Variants in XRCC6 observed in about 807,000 individuals in gnomAD.
The protein encoded by XRCC6 is DNA repair protein Ku70.
XRCC6 carries 5 observed loss-of-function variants against 65.7 expected under a neutral mutation model. The observed-to-expected ratio is 0.08, with a 90% CI of 0.04 to 0.16. The LOEUF (loss-of-function observed/expected upper bound fraction) is 0.16. Ranked by LOEUF, XRCC6 falls within the 10% of genes least tolerant of loss-of-function variation. The pLI is 1.00. For synonymous variants in XRCC6, 270 were observed against 270.6 expected (o/e 1.00, Z 0.02); for missense variants, 447 against 738.1 (o/e 0.61, Z 4.57).
chr22:41,663,027 G>A (rs2068113507), intron 12 of XRCC6, among the ~76,000 whole-genome samples: 1 of 152,024 alleles, frequency 6.6e-6, no homozygotes, highest in Admixed American at 6.6e-5. Context: ...GTTGCAGTGA[G>A]CCGAGACCAC....
intron 3 of XRCC6, among the ~76,000 whole-genome samples, chr22:41,630,779 G>A (rs1396198442): frequency 2.0e-5 from 3 of 152,168 alleles, no homozygotes; most frequent in Admixed American, 6.6e-5. Context: ...GGGTTGTGGG[G>A]TAAGGTCACA....
chr22:41,661,706 T>A (rs535307917), intron 12 of XRCC6: 45 of 404,726 alleles, frequency 1.1e-4, no homozygotes, highest in African/African-American at 8.5e-4. Flanking sequence ...AAACTAGAGC[T>A]ACCATATGAT....
At chr22:41,639,323 CTTTTTCTT>C (rs2067846918) in intron 6 of XRCC6, among the ~76,000 whole-genome samples, 1 of 59,088 alleles carries the variant, frequency 1.7e-5, no homozygotes, top group Non-Finnish European at 3.8e-5. Flanking sequence ...TTGCTAGATT[CTTTTTCTT>C]TTTTTTTTTT....
intron 3 of XRCC6, among the ~76,000 whole-genome samples, chr22:41,635,168 C>CT (rs1339313137): frequency 1.3e-5 from 2 of 152,196 alleles, no homozygotes; most frequent in African/African-American, 4.8e-5. Context: ...CTCCCCTATA[C>CT]TTTAAGTCAT....
intron 12 of XRCC6, among the ~76,000 whole-genome samples, chr22:41,662,411 T>G (rs1162267281): frequency 6.6e-6 from 1 of 152,160 alleles, no homozygotes; most frequent in Non-Finnish European, 1.5e-5. Context: ...CCATACATAT[T>G]TACACATACC....
intron 6 of XRCC6, among the ~76,000 whole-genome samples, chr22:41,639,926 G>A (rs569669366): frequency 2.2e-4 from 34 of 151,976 alleles, no homozygotes; most frequent in Non-Finnish European, 4.6e-4. Context: ...CCAAAGTGCT[G>A]GGATTACAGG....
intron 12 of XRCC6, among the ~76,000 whole-genome samples, chr22:41,662,489 T>C (rs555399861): frequency 3.3e-5 from 5 of 152,216 alleles, no homozygotes; most frequent in African/African-American, 1.2e-4. Flanking sequence ...GTTACTCAGC[T>C]ATATATGTTG....
chr22:41,628,918 A>G (rs2067708169), intron 3 of XRCC6, among the ~76,000 whole-genome samples: 1 of 122,332 alleles, frequency 8.2e-6, no homozygotes, highest in Non-Finnish European at 1.6e-5. Flanking sequence ...GTGAGCCGAG[A>G]TTGTGCCACT....
chr22:41,653,786 T>C (rs2068022030), intron 9 of XRCC6, 96 bp downstream of exon 9: 2 of 1,421,440 alleles, frequency 1.4e-6, no homozygotes, highest in Non-Finnish European at 9.5e-7. Flanking sequence ...TCATAGTCTC[T>C]GGGAATGGGG....
At chr22:41,623,190 C>T (rs959546105) in intron 2 of XRCC6, among the ~76,000 whole-genome samples, 3 of 151,402 alleles carry the variant, frequency 2.0e-5, no homozygotes, top group African/African-American at 7.3e-5. Context: ...AAGTGATCCT[C>T]CTGCTTCAGC....
chr22:41,652,408 C>G (rs2068008645), intron 8 of XRCC6, among the ~76,000 whole-genome samples: 1 of 151,560 alleles, frequency 6.6e-6, no homozygotes, highest in African/African-American at 2.4e-5. Context: ...CTCTGTCACC[C>G]AGGCTAGAGT....
At chr22:41,641,509 T>C (rs1489501729) in intron 6 of XRCC6, among the ~76,000 whole-genome samples, 1 of 152,178 alleles carries the variant, frequency 6.6e-6, no homozygotes, top group African/African-American at 2.4e-5. Context: ...ACTGTTATTA[T>C]TGACTATAGT....
chr22:41,658,219 T>C (rs1406093620), intron 10 of XRCC6, 33 bp from the exon 11 acceptor site: 4 of 1,603,944 alleles, frequency 2.5e-6, no homozygotes, highest in South Asian at 1.1e-5. Context: ...TAAATTGTCA[T>C]GTTTCAGTTG....
chr22:41,627,526 G>A (rs1009173660), intron 2 of XRCC6, among the ~76,000 whole-genome samples: 5 of 148,900 alleles, frequency 3.4e-5, no homozygotes, highest in African/African-American at 1.0e-4. Context: ...CAGGAGAATC[G>A]CTTGAACCTG....
intron 12 of XRCC6, 178 bp downstream of exon 12, chr22:41,661,622 T>C (rs2068100497): frequency 3.4e-6 from 2 of 587,920 alleles, no homozygotes; most frequent in Non-Finnish European, 5.9e-6. Context: ...GGAACCCTCA[T>C]ACACTGTTGG....
chr22:41,642,048 C>T (rs2067883387), intron 6 of XRCC6, among the ~76,000 whole-genome samples: 1 of 152,132 alleles, frequency 6.6e-6, no homozygotes, highest in Non-Finnish European at 1.5e-5. Context: ...CTCAGGATCT[C>T]ATTTTTTATG....
chr22:41,647,252 T>C (rs1409507036), intron 7 of XRCC6, among the ~76,000 whole-genome samples, 170 bp downstream of exon 7: 1 of 152,130 alleles, frequency 6.6e-6, no homozygotes, highest in Non-Finnish European at 1.5e-5. Context: ...GCATGTGACA[T>C]CACACCCAGC....
chr22:41,652,153 A>C (rs1019879536), intron 8 of XRCC6, among the ~76,000 whole-genome samples: 2 of 152,156 alleles, frequency 1.3e-5, no homozygotes, highest in Non-Finnish European at 2.9e-5. Context: ...AAAGCAAACA[A>C]AACCAAAATA....
intron 3 of XRCC6, among the ~76,000 whole-genome samples, chr22:41,628,800 T>C (rs2067706921): frequency 6.6e-6 from 1 of 151,636 alleles, no homozygotes; most frequent in South Asian, 2.1e-4. Flanking sequence ...CTGTCTCTAC[T>C]AACAATGCAA....
Sources: gnomAD v4.1 joint callset for allele counts (sites outside exome capture counted in the v4.1 genomes callset) on GRCh38, gnomAD v4.1.1 for gene constraint, MANE v1.5 for transcripts, NCBI Gene and HGNC (gene_info 2026-07-23, HGNC 2026-07-21) for gene names.